Variants in MSRA observed in about 807,000 individuals in gnomAD.
MSRA encodes the protein mitochondrial peptide methionine sulfoxide reductase.
MSRA carries 54 observed loss-of-function variants against 31.3 expected under a neutral mutation model. That is an observed-to-expected ratio of 1.73 (90% CI 1.39 to 2.17). The LOEUF is 2.17. Ranked by LOEUF, MSRA falls within the 30% of genes most tolerant of loss-of-function variation. The probability of loss-of-function intolerance (pLI) is 0.00; values close to 1 mark genes in which losing one functional copy is unlikely to be tolerated. For missense variants in MSRA, 507 were observed against 300.9 expected (o/e 1.69, Z -5.07); for synonymous variants, 169 against 116.5 (o/e 1.45, Z -2.90).
At chr8:10,281,093 C>A (rs1319429793) in intron 3 of MSRA, among the ~76,000 whole-genome samples, 2 of 152,092 alleles carry the variant, frequency 1.3e-5, no homozygotes, top group African/African-American at 4.8e-5. Context: ...GTAATGATTA[C>A]CCAACTGTGA....
intron 5 of MSRA, among the ~76,000 whole-genome samples, chr8:10,344,080 A>G (rs893523071): frequency 4.6e-5 from 7 of 152,188 alleles, no homozygotes; most frequent in Non-Finnish European, 8.8e-5. Context: ...TCTCTAAGCC[A>G]CAGGACTGGA....
chr8:10,140,093 G>A (rs1044808421), intron 1 of MSRA, among the ~76,000 whole-genome samples: 4 of 152,192 alleles, frequency 2.6e-5, no homozygotes, highest in African/African-American at 9.7e-5. Flanking sequence ...GTATGCTTAG[G>A]TTTGATGAAG....
intron 5 of MSRA, among the ~76,000 whole-genome samples, chr8:10,345,366 A>G (rs1254980739): frequency 6.6e-6 from 1 of 152,112 alleles, no homozygotes. Context: ...AGTTTGAGGT[A>G]TTTTCCATGT....
chr8:10,309,475 A>G (rs1385785500), intron 4 of MSRA, among the ~76,000 whole-genome samples: 2 of 151,982 alleles, frequency 1.3e-5, no homozygotes, highest in East Asian at 3.9e-4. Flanking sequence ...CTTGTTCTCT[A>G]TCATTTTTCC....
At chr8:10,063,238 C>T (rs1443392415) in intron 1 of MSRA, among the ~76,000 whole-genome samples, 2 of 152,208 alleles carry the variant, frequency 1.3e-5, no homozygotes, top group Admixed American at 6.5e-5. Context: ...TGTCCTTCCT[C>T]CCATGAGTCC....
At chr8:10,134,452 C>T (rs369013761) in intron 1 of MSRA, among the ~76,000 whole-genome samples, 11 of 152,224 alleles carry the variant, frequency 7.2e-5, no homozygotes, top group African/African-American at 2.4e-4. Flanking sequence ...TTCAGTTTAT[C>T]CCTGTGCCGG....
chr8:10,320,055 A>T, intron 5 of MSRA, 66 bp downstream of exon 5: 1 of 999,664 alleles, frequency 1.0e-6, no homozygotes, highest in Non-Finnish European at 1.5e-6. Flanking sequence ...TTCTGATTTT[A>T]GAGGGCAGTC....
chr8:10,293,747 C>T (rs1238984646), intron 3 of MSRA, among the ~76,000 whole-genome samples: 5 of 152,182 alleles, frequency 3.3e-5, no homozygotes, highest in African/African-American at 9.7e-5. Context: ...TCCTCCCTCC[C>T]TTTCCTTCCC....
intron 5 of MSRA, chr8:10,320,260 G>A (rs973348213): frequency 4.0e-6 from 1 of 247,698 alleles, no homozygotes; most frequent in African/African-American, 2.2e-5. Context: ...TTGAGGCCAG[G>A]AGTTCGAGAC....
At chr8:10,134,151 A>C (rs3885723) in intron 1 of MSRA, among the ~76,000 whole-genome samples, 67,285 of 152,004 alleles carry the variant, frequency 0.44, 16,435 homozygotes, top group African/African-American at 0.61. Flanking sequence ...TCTTAAAGGA[A>C]TTTCTGTGGT....
At chr8:10,205,494 T>G (rs1376903347) in intron 1 of MSRA, among the ~76,000 whole-genome samples, 1 of 152,060 alleles carries the variant, frequency 6.6e-6, no homozygotes. Flanking sequence ...CTGTGTAGTT[T>G]TGCGGTGTTC....
At chr8:10,357,435 T>C (rs147711901) in intron 5 of MSRA, among the ~76,000 whole-genome samples, 12 of 152,356 alleles carry the variant, frequency 7.9e-5, no homozygotes, top group Admixed American at 7.2e-4. Context: ...TTCAATAATA[T>C]TATGAACTCA....
chr8:10,362,678 A>G (rs1041871306), intron 5 of MSRA, among the ~76,000 whole-genome samples: 3 of 152,074 alleles, frequency 2.0e-5, no homozygotes, highest in African/African-American at 4.8e-5. Flanking sequence ...CCCAAGAGAA[A>G]GGAGGTCTCA....
chr8:10,322,170 C>T (rs949560699), intron 5 of MSRA, among the ~76,000 whole-genome samples: 5 of 152,026 alleles, frequency 3.3e-5, no homozygotes, highest in Admixed American at 1.3e-4. Flanking sequence ...CTTAGAAAGC[C>T]ATATGTTCTA....
chr8:10,114,123 G>A (rs749350888), intron 1 of MSRA, among the ~76,000 whole-genome samples: 3 of 152,168 alleles, frequency 2.0e-5, no homozygotes, highest in South Asian at 4.1e-4. Flanking sequence ...GTTCATCTAT[G>A]TTGCAGCATG....
rs1304020977 is a variant in MSRA, at chr8:10,287,505, T to G, written c.332-14029T>G. 6.6e-5 allele frequency among the ~76,000 whole-genome samples: 10 copies of G among 152,302 alleles called. No individual in the cohort carries two copies. The East Asian group carries it at 1.7e-3, about 26-fold the overall frequency. ...GAATCTCAAGTCAGGAAAAGTCCAGTGCAGAGTTCGGAATAACACAGAACA... is the reference window on the plus strand; with the variant it reads ...GAATCTCAAGTCAGGAAAAGTCCAGGGCAGAGTTCGGAATAACACAGAACA... On this transcript the variant is annotated intron_variant, in intron 3 of 5. Transcript: ENST00000317173.
At chr8:10,075,520 A>G (rs1016034180) in intron 1 of MSRA, among the ~76,000 whole-genome samples, 9 of 152,338 alleles carry the variant, frequency 5.9e-5, no homozygotes, top group African/African-American at 1.9e-4. Flanking sequence ...ATATTTATGG[A>G]AGAGAAGTGT....
chr8:10,241,733 C>G (rs1812431622), intron 2 of MSRA, among the ~76,000 whole-genome samples: 1 of 147,100 alleles, frequency 6.8e-6, no homozygotes, highest in African/African-American at 2.4e-5. Context: ...GCTTTCTAAT[C>G]AAAGACCATC....
intron 2 of MSRA, among the ~76,000 whole-genome samples, 158 bp from the exon 3 acceptor site, chr8:10,244,946 C>T (rs376399104): frequency 6.6e-6 from 1 of 152,168 alleles, no homozygotes; most frequent in African/African-American, 2.4e-5. Context: ...ATGTTAAGAA[C>T]TCTCCTTCTT....
Sources: gnomAD v4.1 joint callset for allele counts (sites outside exome capture counted in the v4.1 genomes callset) on GRCh38, gnomAD v4.1.1 for gene constraint, MANE v1.5 for transcripts, NCBI Gene and HGNC (gene_info 2026-07-23, HGNC 2026-07-21) for gene names.